The following RAD51B variants were observed in gnomAD, a reference collection of about 807,000 sequenced individuals.
RAD51B encodes DNA repair protein RAD51 homolog 2.
RAD51B carries 38 observed loss-of-function variants against 42.2 expected under a neutral mutation model. That is an observed-to-expected ratio of 0.90 (90% CI 0.70 to 1.18). The LOEUF is 1.18. Among genes scored for constraint, RAD51B ranks in the 50% most tolerant of loss-of-function variants. The pLI is 0.00. For missense variants in RAD51B, 373 were observed against 400.7 expected, an observed-to-expected ratio of 0.93 and a Z score of 0.59; for synonymous variants, 154 against 145.2, an observed-to-expected ratio of 1.06 and a Z score of -0.43.
chr14:68,611,432 C>A (rs1319656113), exon 11 of RAD51B: 5 of 594,454 alleles, frequency 8.4e-6, no homozygotes, highest in Non-Finnish European at 1.2e-5. Context: ...CTCCTACAAC[C>A]CTTGATCCCC....
chr14:68,382,776 A>G (rs528947126), intron 8 of RAD51B, among the ~76,000 whole-genome samples: 1 of 152,294 alleles, frequency 6.6e-6, no homozygotes, highest in African/African-American at 2.4e-5. Context: ...AAAAAAACAT[A>G]TCCTACTGGT....
chr14:68,507,397 C>T (rs1365444510), intron 10 of RAD51B, among the ~76,000 whole-genome samples: 2 of 152,130 alleles, frequency 1.3e-5, no homozygotes, highest in Non-Finnish European at 2.9e-5. Flanking sequence ...TATTCTGGCT[C>T]AGCTTTGTTT....
Position 67,838,403 on chromosome 14 carries a change from A to C in RAD51B, c.315+3207A>C, listed in dbSNP as rs1041224137. Among the ~76,000 whole-genome samples the C allele has an allele frequency of 7.2e-5, 11 of 152,018 alleles. No individual in the cohort carries two copies. In the East Asian group the frequency reaches 1.9e-3, roughly 27 times the overall value. ...GGATGTGGGAAAAGAATGCATATATATATTCTGTATTGTTTTTATTTATTT... is the reference window on the plus strand; with the variant it reads ...GGATGTGGGAAAAGAATGCATATATCTATTCTGTATTGTTTTTATTTATTT... On this transcript the variant is annotated intron_variant, in intron 4 of 10. Transcript: ENST00000471583.
intron 10 of RAD51B, among the ~76,000 whole-genome samples, chr14:68,619,201 G>A (rs186108197): frequency 1.8e-4 from 28 of 152,294 alleles, no homozygotes; most frequent in African/African-American, 5.5e-4. Context: ...AAGGCTGGGC[G>A]TGGTGGCTCA....
chr14:68,567,651 C>T (rs935079697), intron 10 of RAD51B, among the ~76,000 whole-genome samples: 2 of 152,198 alleles, frequency 1.3e-5, no homozygotes. Context: ...TGTATACCTA[C>T]TTTTTATCAT....
chr14:67,861,906 C>T (rs2042176514), intron 4 of RAD51B, among the ~76,000 whole-genome samples: 1 of 150,848 alleles, frequency 6.6e-6, no homozygotes, highest in Non-Finnish European at 1.5e-5. Context: ...TTTATCTGCA[C>T]TCTTAAAAAA....
chr14:68,146,863 C>CTTAGATTAGATTAGA (rs2078263206), intron 7 of RAD51B, among the ~76,000 whole-genome samples: 1 of 151,822 alleles, frequency 6.6e-6, no homozygotes, highest in Non-Finnish European at 1.5e-5. Context: ...TACACAATGT[C>CTTAGATTAGATTAGA]TTAGATTAGA....
At chr14:68,369,833 A>G (rs2083216911) in intron 8 of RAD51B, among the ~76,000 whole-genome samples, 1 of 152,158 alleles carries the variant, frequency 6.6e-6, no homozygotes, top group Non-Finnish European at 1.5e-5. Context: ...TACATACTAT[A>G]TATCTATATC....
At chr14:68,616,064 G>A (rs1162722203), downstream of RAD51B, among the ~76,000 whole-genome samples, 1 of 151,920 alleles carries the variant, frequency 6.6e-6, no homozygotes, top group African/African-American at 2.4e-5. Flanking sequence ...TTGACTTTTA[G>A]CTACATGCTC....
chr14:67,915,524 G>T (rs558149925), intron 7 of RAD51B, among the ~76,000 whole-genome samples: 3 of 152,152 alleles, frequency 2.0e-5, no homozygotes, highest in Non-Finnish European at 2.9e-5. Context: ...GGGAAATGAC[G>T]TTGGGTTAAG....
At chr14:68,482,323 G>A (rs1468505639), downstream of RAD51B, among the ~76,000 whole-genome samples, 3 of 152,080 alleles carry the variant, frequency 2.0e-5, no homozygotes, top group African/African-American at 7.2e-5. Context: ...CCTACAGGGT[G>A]AACATTTTGG....
intron 8 of RAD51B, among the ~76,000 whole-genome samples, chr14:68,384,553 C>CAA (rs1285191649): frequency 6.6e-6 from 1 of 152,240 alleles, no homozygotes; most frequent in African/African-American, 2.4e-5. Context: ...AGTGTACACT[C>CAA]ACGTCATTTA....
At chr14:68,043,289 GTTA>G (rs1414123764) in intron 7 of RAD51B, among the ~76,000 whole-genome samples, 1 of 152,128 alleles carries the variant, frequency 6.6e-6, no homozygotes, top group Admixed American at 6.5e-5. Context: ...ACATCCTAGA[GTTA>G]TTATTTGTTT....
At chr14:68,511,435 C>T (rs554426543) in intron 10 of RAD51B, among the ~76,000 whole-genome samples, 2 of 152,174 alleles carry the variant, frequency 1.3e-5, no homozygotes, top group Non-Finnish European at 2.9e-5. Context: ...CCCAGAATCA[C>T]CCTAGGGGGT....
chr14:67,959,490 T>G (rs1385440450), intron 7 of RAD51B, among the ~76,000 whole-genome samples: 1 of 152,012 alleles, frequency 6.6e-6, no homozygotes. Flanking sequence ...CTTGTGATCC[T>G]CCTGCCTCAG....
At chr14:67,934,062 A>G (rs1266158789) in intron 7 of RAD51B, among the ~76,000 whole-genome samples, 2 of 152,234 alleles carry the variant, frequency 1.3e-5, no homozygotes, top group African/African-American at 4.8e-5. Flanking sequence ...GGTTCATTGT[A>G]TCTGATGCTG....
chr14:68,303,887 G>A (rs2081801518), intron 8 of RAD51B, among the ~76,000 whole-genome samples: 1 of 152,132 alleles, frequency 6.6e-6, no homozygotes, highest in South Asian at 2.1e-4. Context: ...GGAACTATGA[G>A]GGCTCTGTGT....
rs537953313 is a variant in RAD51B at position 68,662,699 on chromosome 14, G to A, written c.*11+11843G>A. 1.2e-4 allele frequency among the ~76,000 whole-genome samples: 19 copies of A among 152,328 alleles called. No individual in the cohort carries two copies. In the South Asian group the frequency reaches 3.9e-3, roughly 32 times the overall value. ...TCCTCCCTCCAAAAAAGTACAGTGA[G>A]TAGTCATCTTTTTTCTTGGTAAATC... is the stretch of plus-strand genomic sequence containing the variant. On this transcript the variant is annotated intron_variant, in intron 11 of 11. Coordinates refer to the RAD51B transcript ENST00000488612.
chr14:68,381,617 A>G (rs931818054), intron 8 of RAD51B, among the ~76,000 whole-genome samples: 3 of 152,184 alleles, frequency 2.0e-5, no homozygotes, highest in African/African-American at 7.2e-5. Flanking sequence ...CAGAGCTTGC[A>G]GTGAGCCGAG....
Sources: gnomAD v4.1 joint callset for allele counts (sites outside exome capture counted in the v4.1 genomes callset) on GRCh38, gnomAD v4.1.1 for gene constraint, MANE v1.5 for transcripts, NCBI Gene and HGNC (gene_info 2026-07-23, HGNC 2026-07-21) for gene names.